GPHN: variants seen among roughly 807,000 people sequenced by gnomAD.
GPHN encodes gephyrin.
GPHN carries 17 observed loss-of-function variants against 95.5 expected under a neutral mutation model. The ratio of observed to expected loss-of-function variants is 0.18; its 90% CI spans 0.12 to 0.27. The LOEUF is 0.27. Ranked by LOEUF, GPHN falls within the 10% of genes least tolerant of loss-of-function variation. The pLI, the probability that GPHN is intolerant of heterozygous loss-of-function variation, is 1.00. For missense variants in GPHN, 660 were observed against 978.1 expected (o/e 0.67, Z 4.34); for synonymous variants, 320 against 322.5 (o/e 0.99, Z 0.08).
At chr14:66,976,923 G>A (rs931923881) in intron 9 of GPHN, among the ~76,000 whole-genome samples, 4 of 135,786 alleles carry the variant, frequency 2.9e-5, no homozygotes, top group South Asian at 2.8e-4. Flanking sequence ...TGTGGGGGGG[G>A]GGGGAGTACA....
At chr14:66,620,418 G>T (rs573830570) in intron 1 of GPHN, among the ~76,000 whole-genome samples, 2 of 152,260 alleles carry the variant, frequency 1.3e-5, no homozygotes, top group African/African-American at 2.4e-5. Flanking sequence ...ATGGCAGAAG[G>T]CAAGGAGGAG....
At chr14:67,353,178 C>T in the GPHN span, 1 of 638,022 alleles carries the variant, frequency 1.6e-6, no homozygotes, top group Admixed American at 2.7e-5. Context: ...TTGTAGCTGA[C>T]AGGTTTAACT....
the GPHN span, among the ~76,000 whole-genome samples, chr14:67,245,577 C>G: frequency 6.6e-6 from 1 of 152,014 alleles, no homozygotes. Flanking sequence ...TCTCAGAACT[C>G]CTGGGCTCAA....
At chr14:66,841,963 G>A (rs1005048222) in intron 4 of GPHN, among the ~76,000 whole-genome samples, 6 of 152,064 alleles carry the variant, frequency 3.9e-5, no homozygotes, top group African/African-American at 7.2e-5. Context: ...TGAGGCAGGC[G>A]AATTGCTTGA....
At chr14:67,142,722 T>G (rs2080559156) in intron 17 of GPHN, among the ~76,000 whole-genome samples, 1 of 152,092 alleles carries the variant, frequency 6.6e-6, no homozygotes, top group Non-Finnish European at 1.5e-5. Context: ...AGCTTGAGGG[T>G]TCTTCAAAAT....
intron 2 of GPHN, among the ~76,000 whole-genome samples, chr14:66,773,098 T>C (rs1052744045): frequency 6.6e-6 from 1 of 152,186 alleles, no homozygotes; most frequent in Non-Finnish European, 1.5e-5. Context: ...AGACTGCCGC[T>C]GTGCAGACTG....
chr14:67,390,564 G>T, the GPHN span: 1 of 837,388 alleles, frequency 1.2e-6, no homozygotes, highest in Non-Finnish European at 2.1e-6. Flanking sequence ...GGGTGCCAGG[G>T]GAAGGCAGGA....
intron 9 of GPHN, among the ~76,000 whole-genome samples, chr14:66,982,250 T>C (rs974411935): frequency 5.3e-5 from 8 of 152,186 alleles, no homozygotes; most frequent in African/African-American, 1.9e-4. Context: ...TTCAGTGAGC[T>C]CAGTTTTGGG....
chr14:66,707,331 A>G (rs1020988967), intron 2 of GPHN, among the ~76,000 whole-genome samples: 11 of 152,228 alleles, frequency 7.2e-5, no homozygotes, highest in Non-Finnish European at 1.3e-4. Flanking sequence ...CCAGAGGAAT[A>G]TAAATCATTC....
At chr14:66,981,745 A>T (rs2070695705) in intron 9 of GPHN, among the ~76,000 whole-genome samples, 1 of 152,204 alleles carries the variant, frequency 6.6e-6, no homozygotes, top group Admixed American at 6.5e-5. Flanking sequence ...AATCTATGTA[A>T]TTTTATTCTA....
At chr14:67,159,747 G>A (rs1337972545) in intron 19 of GPHN, among the ~76,000 whole-genome samples, 3 of 152,042 alleles carry the variant, frequency 2.0e-5, no homozygotes, top group Non-Finnish European at 2.9e-5. Flanking sequence ...CTCATCCCTA[G>A]TTCCTTCTTC....
At chr14:67,619,937 G>T in the GPHN span, 2 of 1,392,202 alleles carry the variant, frequency 1.4e-6, no homozygotes, top group Non-Finnish European at 1.9e-6. Flanking sequence ...GCTTCCAACC[G>T]CGCGGAGCCT....
chr14:66,942,697 C>T (rs1225147567), intron 8 of GPHN, among the ~76,000 whole-genome samples: 1 of 152,028 alleles, frequency 6.6e-6, no homozygotes, highest in African/African-American at 2.4e-5. Context: ...CAAAATATAT[C>T]CTAAAGTAGA....
chr14:67,333,629 C>A, the GPHN span: 1 of 152,618 alleles, frequency 6.6e-6, no homozygotes, highest in Non-Finnish European at 1.5e-5. Context: ...ACACTCAACA[C>A]ACTCTAATCT....
the GPHN span, among the ~76,000 whole-genome samples, chr14:67,388,601 G>A: frequency 6.6e-6 from 1 of 152,172 alleles, no homozygotes; most frequent in Non-Finnish European, 1.5e-5. Flanking sequence ...GATCCAATAT[G>A]CTACCCGGAA....
intron 1 of GPHN, among the ~76,000 whole-genome samples, chr14:66,512,091 A>G (rs1239097501): frequency 6.6e-6 from 1 of 151,884 alleles, no homozygotes; most frequent in Non-Finnish European, 1.5e-5. Context: ...TAATATGGTA[A>G]TGAGTAACAT....
the GPHN span, among the ~76,000 whole-genome samples, chr14:67,227,145 G>GA: frequency 6.6e-6 from 1 of 152,022 alleles, no homozygotes. Flanking sequence ...TTATTAAATT[G>GA]AAAAATTTGC....
the GPHN span, among the ~76,000 whole-genome samples, chr14:67,537,013 C>A: frequency 1.3e-5 from 2 of 150,436 alleles, no homozygotes; most frequent in African/African-American, 4.9e-5. Flanking sequence ...GTACTCCAGC[C>A]TGGGTGACAG....
the GPHN span, among the ~76,000 whole-genome samples, chr14:67,243,219 C>T: frequency 1.3e-5 from 2 of 151,322 alleles, no homozygotes; most frequent in Admixed American, 6.6e-5. Context: ...GACATAGTCT[C>T]GCTCTTGCCC....
Sources: gnomAD v4.1 joint callset for allele counts (sites outside exome capture counted in the v4.1 genomes callset) on GRCh38, gnomAD v4.1.1 for gene constraint, MANE v1.5 for transcripts, NCBI Gene and HGNC (gene_info 2026-07-23, HGNC 2026-07-21) for gene names.